The following FAAP100 variants were observed in gnomAD, a reference collection of about 807,000 sequenced individuals.
The protein encoded by FAAP100 is FA core complex associated protein 100, also known as Fanconi anemia core complex-associated protein 100.
FAAP100 carries 46 observed loss-of-function variants against 65.8 expected under a neutral mutation model. That is an observed-to-expected ratio of 0.70 (90% CI 0.55 to 0.89). The LOEUF (loss-of-function observed/expected upper bound fraction) is 0.89. FAAP100 is among the 40% of genes least tolerant of loss of function. FAAP100 has a pLI of 0.00. For missense variants in FAAP100, 1,165 were observed against 1,196.7 expected (o/e 0.97, Z 0.39); for synonymous variants, 663 against 555.1 (o/e 1.19, Z -2.73).
intron 4 of FAAP100, 85 bp downstream of exon 4, chr17:81,549,121 C>A: frequency 6.8e-7 from 1 of 1,478,988 alleles, no homozygotes; most frequent in Non-Finnish European, 9.1e-7. Flanking sequence ...CGAGGACACT[C>A]ACACCCAGGA....
Position 81,544,081 on chromosome 17 carries a change from C to A in FAAP100, c.2350G>T (p.Ala784Ser), listed in dbSNP as rs1238045276. The change falls in exon 7 of 9, where the codon GCC becomes TCC. Residue 784 changes from alanine to serine, a missense_variant. Coordinates refer to ENST00000327787, the MANE Select transcript of FAAP100 (RefSeq NM_025161.6). ...TDLCPAGPIQAVEIQVESSSL... is the reference protein window; with the variant it reads ...TDLCPAGPIQSVEIQVESSSL... Reference sequence around the variant, plus strand: ...GAGCTTTCCACTTGAATCTCCACGGCCTGGATGGGCCCTGCTGGGCACAGG... The same window carrying A: ...GAGCTTTCCACTTGAATCTCCACGGACTGGATGGGCCCTGCTGGGCACAGG... 1 of 1,612,660 alleles carries A rather than the reference C, an allele frequency of 6.2e-7. No homozygotes were observed. Among genetic ancestry groups the A allele is most frequent in the Admixed American group, 1.7e-5 (1 of 60,010 alleles).
intron 4 of FAAP100, chr17:81,548,184 G>A: frequency 1.7e-6 from 1 of 594,492 alleles, no homozygotes; most frequent in Non-Finnish European, 3.0e-6. Flanking sequence ...GACCCCAGTG[G>A]TTATGTGAGG....
chr17:81,552,032 G>A lies in FAAP100; in HGVS notation c.186C>T (p.Asp62=), dbSNP rs755000081. 1 of 1,539,134 alleles carries A rather than the reference G, an allele frequency of 6.5e-7. No individual in the cohort carries two copies. The highest frequency in any genetic ancestry group is 8.7e-7 in the Non-Finnish European group (1 of 1,153,834). Reference sequence around the variant, plus strand: ...CCAGCAGCTCCAGGTGCCACACCTGGTCGGGGAACCGGAACGCCGCCTGCG... The same window carrying A: ...CCAGCAGCTCCAGGTGCCACACCTGATCGGGGAACCGGAACGCCGCCTGCG... ...GLLTAAFRFP[D]QVWHLELLAP... is the part of the protein sequence containing the mutation. The change falls in exon 2 of 9, where the codon GAC becomes GAT. Residue 62 remains aspartate (D), a synonymous_variant. Coordinates refer to ENST00000327787, the MANE Select transcript of FAAP100 (RefSeq NM_025161.6).
chr17:81,546,854 T>G, intron 5 of FAAP100, 55 bp downstream of exon 5: 1 of 1,330,670 alleles, frequency 7.5e-7, no homozygotes, highest in South Asian at 2.3e-5. Context: ...TTCCTGTCTC[T>G]TAAAAAAAAA....
intron 4 of FAAP100, 132 bp from the exon 5 acceptor site, chr17:81,547,810 G>A (rs746074317): frequency 8.9e-7 from 1 of 1,119,368 alleles, no homozygotes; most frequent in South Asian, 1.2e-5. Flanking sequence ...AGCCACGCCA[G>A]AGAGTGAGCC....
rs1320069910 is a variant in FAAP100 at position 81,551,220 on chromosome 17, G to A, written c.291-17C>T. On this transcript the variant is annotated splice_polypyrimidine_tract_variant and intron_variant, in intron 2 of 8. Coordinates refer to ENST00000327787, the MANE Select transcript of FAAP100 (RefSeq NM_025161.6). The stretch of plus-strand genomic sequence containing the variant: ...CTCGTAGACCTTTGAGAACAGGGAC[G>A]CACTGGTCAGGCCTGGGCAGGGTGG... The A allele has an allele frequency of 2.1e-5, 32 of 1,500,134 alleles. No individual in the cohort carries two copies. The highest frequency in any genetic ancestry group is 4.1e-5 in the Admixed American group (2 of 48,228). 92.9% of individuals were successfully genotyped at this position (1,500,134 alleles called of 1,614,324 possible).
intron 3 of FAAP100, among the ~76,000 whole-genome samples, chr17:81,549,613 T>G (rs570463164): frequency 6.6e-6 from 1 of 152,346 alleles, no homozygotes; most frequent in African/African-American, 2.4e-5. Context: ...GGCGTTTCCC[T>G]TCAAAGCCCT....
At chr17:81,543,158 T>A (rs975415672) in intron 7 of FAAP100, among the ~76,000 whole-genome samples, 5 of 152,216 alleles carry the variant, frequency 3.3e-5, no homozygotes, top group Non-Finnish European at 4.4e-5. Flanking sequence ...CTGCCAGGGC[T>A]GGGCAGAGCC....
intron 4 of FAAP100, chr17:81,547,987 G>A (rs756268043): frequency 1.1e-5 from 8 of 702,554 alleles, no homozygotes; most frequent in East Asian, 2.7e-5. Context: ...TATGAGAAGC[G>A]CACCACCCAC....
At chr17:81,545,561 C>T (rs1376405686) in intron 6 of FAAP100, among the ~76,000 whole-genome samples, 185 bp downstream of exon 6, 1 of 152,198 alleles carries the variant, frequency 6.6e-6, no homozygotes, top group Non-Finnish European at 1.5e-5. Context: ...AGCTGCAAGG[C>T]CCTCCCTGCC....
At chr17:81,542,965 C>T (rs919180829) in intron 7 of FAAP100, among the ~76,000 whole-genome samples, 2 of 152,210 alleles carry the variant, frequency 1.3e-5, no homozygotes, top group Admixed American at 1.3e-4. Flanking sequence ...GACTAGACCC[C>T]CAAGCCCAGG....
Position 81,547,195 on chromosome 17 carries a change from G to A in FAAP100, c.1887C>T (p.Ser629=), listed in dbSNP as rs139541092. The A allele has an allele frequency of 1.3e-3, 1,991 of 1,558,924 alleles. 2 individuals carry two copies. The highest frequency in any genetic ancestry group is 2.8e-3 in the Admixed American group (155 of 55,266). ...SEDPFLDECP[S]DVLPEQEGVC... ...CACCCTCTTGCTCGGGCAGGACGTC[G>A]GAGGGGCACTCATCCAGAAAGGGGT... is the stretch of plus-strand genomic sequence containing the variant. Residue 629 remains serine, a synonymous_variant, in exon 5 of 9, where the codon TCC becomes TCT. Coordinates refer to ENST00000327787, the MANE Select transcript of FAAP100 (RefSeq NM_025161.6).
In FAAP100 at chr17:81,540,077, C is replaced by G. The variant is rs557223552; in HGVS notation, c.*742G>C. 542 of 341,336 alleles carry G rather than the reference C, an allele frequency of 1.6e-3. 3 individuals carry two copies. Among genetic ancestry groups the G allele is most frequent in the African/African-American group, 0.013 (484 of 37,648 alleles). 21.1% of individuals were successfully genotyped at this position (341,336 alleles called of 1,614,324 possible). Reference sequence around the variant, plus strand: ...GCTGGGGGCTGGGGCTCAGGGCCCCCCCCCGGGCCACAGCGCCACCCTGAG... The same window carrying G: ...GCTGGGGGCTGGGGCTCAGGGCCCCGCCCCGGGCCACAGCGCCACCCTGAG... On this transcript the variant is annotated 3_prime_UTR_variant, in exon 9 of 9. Coordinates refer to ENST00000327787, the MANE Select transcript of FAAP100 (RefSeq NM_025161.6).
Position 81,540,854 on chromosome 17 carries a change from G to A in FAAP100, c.2611C>T (p.Arg871Trp), listed in dbSNP as rs370859081. Residue 871 changes from arginine (R) to tryptophan (W), a missense_variant, in exon 9 of 9, where the codon CGG becomes TGG. Physicochemically the swap from Arg to Trp is moderately radical, Grantham distance 101. Transcript: ENST00000327787. Reference sequence around the variant, plus strand: ...ATGAGGCTGGGGTGGCGCAGCTGCCGGTACACCTGTAGCAGCCTCTGGGCG... The same window carrying A: ...ATGAGGCTGGGGTGGCGCAGCTGCCAGTACACCTGTAGCAGCCTCTGGGCG... ...ATAQRLLQVY[R>W]QLRHPSLILL is the part of the protein sequence containing the mutation. 34 of 1,547,338 alleles carry A rather than the reference G, an allele frequency of 2.2e-5. No homozygotes were observed. The highest frequency in any genetic ancestry group is 1.4e-4 in the African/African-American group (10 of 73,440).
chr17:81,552,146 C>T lies in FAAP100; in HGVS notation c.165+20G>A, dbSNP rs1299144756. The T allele has an allele frequency of 6.7e-7, 1 of 1,488,504 alleles. No homozygotes were observed. Among genetic ancestry groups the T allele is most frequent in the South Asian group, 1.3e-5 (1 of 79,222 alleles). The allele number at this position is 1,488,504 out of a possible 1,614,324, so 92.2% of individuals were successfully genotyped here. ...GCCGCCCCCGCCCGGTCCCTCCCGC[C>T]CCCGCGGGCCGGCGCTCACGGTCAG... On this transcript the variant is annotated intron_variant, in intron 1 of 8. Coordinates refer to ENST00000327787, the MANE Select transcript of FAAP100 (RefSeq NM_025161.6).
Position 81,547,079 on chromosome 17 carries a change from G to C in FAAP100, c.2003C>G (p.Pro668Arg), listed in dbSNP as rs377744624. The change falls in exon 5 of 9, where the codon CCA becomes CGA. Residue 668 changes from proline (P) to arginine (R), a missense_variant. Transcript: ENST00000327787. ...LAPPHTRAPS[P>R]LGPTRDPVAT... ...CACAGGGTCTCGGGTGGGGCCGAGT[G>C]GGGAGGGGGCCCGTGTGTGTGGCGG... The C allele has an allele frequency of 1.7e-5, 26 of 1,538,834 alleles. No homozygotes were observed. The highest frequency in any genetic ancestry group is 2.1e-5 in the Admixed American group (1 of 47,496).
At chr17:81,552,942 G>T (rs1403399664), upstream of FAAP100, 8 of 152,858 alleles carry the variant, frequency 5.2e-5, no homozygotes, top group Admixed American at 5.2e-4. Flanking sequence ...GAACACGTGG[G>T]GACAGGGAGT....
intron 7 of FAAP100, 104 bp downstream of exon 7, chr17:81,543,900 G>A: frequency 9.6e-7 from 1 of 1,043,496 alleles, no homozygotes; most frequent in Non-Finnish European, 1.4e-6. Flanking sequence ...CAACTCCCTT[G>A]CAGGGAGCCG....
Position 81,545,791 on chromosome 17 carries a change from C to T in FAAP100, c.2265G>A (p.Gln755=), listed in dbSNP as rs2143944253. The T allele has an allele frequency of 6.2e-7, 1 of 1,612,406 alleles. No individual in the cohort carries two copies. The highest frequency in any genetic ancestry group is 1.1e-5 in the South Asian group (1 of 91,052). ...VVRARALSSI[Q]GVAPDGANVH... Reference sequence around the variant, plus strand: ...CGTTGGCGCCATCAGGGGCCACTCCCTGGATGGAAGATAGTGCTCGGGCCC... The same window carrying T: ...CGTTGGCGCCATCAGGGGCCACTCCTTGGATGGAAGATAGTGCTCGGGCCC... Residue 755 remains glutamine (Q), a synonymous_variant, in exon 6 of 9, where the codon CAG becomes CAA. Transcript: ENST00000327787.
Sources: gnomAD v4.1 joint callset for allele counts (sites outside exome capture counted in the v4.1 genomes callset) on GRCh38, gnomAD v4.1.1 for gene constraint, MANE v1.5 for transcripts, NCBI Gene and HGNC (gene_info 2026-07-23, HGNC 2026-07-21) for gene names.